Variants in SURF4 observed in about 807,000 individuals in gnomAD.
SURF4 encodes the protein surfeit locus protein 4.
Under a neutral mutation model 30.0 loss-of-function variants are expected in SURF4, and 3 were observed. That is an observed-to-expected ratio of 0.10 (90% confidence interval 0.05 to 0.26). The LOEUF (loss-of-function observed/expected upper bound fraction) is 0.26, where lower values mean the gene tolerates loss of function less well. SURF4 is among the 10% of genes least tolerant of loss of function. The pLI, the probability that SURF4 is intolerant of heterozygous loss-of-function variation, is 1.00. For missense variants in SURF4, 217 were observed against 350.8 expected, an observed-to-expected ratio of 0.62 and a Z score of 3.05; for synonymous variants, 143 against 139.9, an observed-to-expected ratio of 1.02 and a Z score of -0.16.
intron 1 of SURF4, among the ~76,000 whole-genome samples, chr9:133,367,977 G>T (rs918109493): frequency 2.0e-5 from 3 of 152,208 alleles, no homozygotes; most frequent in Admixed American, 2.0e-4. Flanking sequence ...TATGACGCAC[G>T]ACATGTCTGC....
upstream of SURF4, among the ~76,000 whole-genome samples, chr9:133,377,438 G>T (rs1838009244): frequency 6.6e-6 from 1 of 152,214 alleles, no homozygotes; most frequent in South Asian, 2.1e-4. Flanking sequence ...GGCCAAGGCG[G>T]GCGGATCACC....
intron 1 of SURF4, 27 bp downstream of exon 1, chr9:133,375,895 G>GGGA: frequency 8.2e-7 from 1 of 1,222,190 alleles, no homozygotes; most frequent in African/African-American, 1.6e-5. Context: ...CGGGACCGGG[G>GGGA]CCGGGGGAGG....
chr9:133,372,238 G>A (rs954769779), intron 1 of SURF4, among the ~76,000 whole-genome samples: 19 of 152,226 alleles, frequency 1.2e-4, no homozygotes, highest in Admixed American at 1.2e-3. Context: ...CTTGATGCCA[G>A]AGGCAGAGAG....
rs182209688 is a variant in SURF4 at position 133,364,565 on chromosome 9, G to A, written c.543+275C>T. ...AAATTAGCCAGGCGTGTTGGCAGGC[G>A]CCTGTAGTCCCAGCTGCTCGGGAGG... On this transcript the variant is annotated intron_variant, in intron 5 of 5. Coordinates refer to ENST00000371989, the MANE Select transcript of SURF4 (RefSeq NM_033161.4). Among the ~76,000 whole-genome samples the A allele has an allele frequency of 4.6e-5, 7 of 152,152 alleles. No homozygotes were observed. In the East Asian group the frequency reaches 7.8e-4, roughly 17 times the overall value.
In SURF4 at chr9:133,363,482, A is replaced by G. The variant is rs1262401793; in HGVS notation, c.*11T>C. The G allele has an allele frequency of 1.9e-6, 3 of 1,614,086 alleles. No individual in the cohort carries two copies. The highest frequency in any genetic ancestry group is 2.5e-6 in the Non-Finnish European group (3 of 1,180,056). On this transcript the variant is annotated 3_prime_UTR_variant, in exon 6 of 6. Coordinates refer to ENST00000371989, the MANE Select transcript of SURF4 (RefSeq NM_033161.4). The surrounding 1 kb of genome is among the most constrained non-coding windows in gnomAD (Gnocchi z 4.3). ...ACGGGTCTTAGCCAGGCAGGTAGGG[A>G]TCTGTGACTGTTACCACTCCTTCTT...
chr9:133,363,268 A>G lies in SURF4; in HGVS notation c.*225T>C. ...GGCGTGGGGGAGGCTTCCAGCTGCC[A>G]GGCTGGCCTGCACTGAAGGGTCAGA... On this transcript the variant is annotated 3_prime_UTR_variant, in exon 6 of 6. Coordinates refer to ENST00000371989, the MANE Select transcript of SURF4 (RefSeq NM_033161.4). This position sits in a 1 kb window ranked among gnomAD's most constrained non-coding sequence, Gnocchi z 4.3. The G allele has an allele frequency of 1.3e-6, 1 of 769,330 alleles. No homozygotes were observed. The highest frequency in any genetic ancestry group is 2.2e-6 in the Non-Finnish European group (1 of 450,380). The allele number at this position is 769,330 out of a possible 1,614,324, so 47.7% of individuals were successfully genotyped here.
intron 1 of SURF4, chr9:133,375,157 T>C: frequency 2.2e-6 from 2 of 925,880 alleles, no homozygotes; most frequent in Non-Finnish European, 2.6e-6. Flanking sequence ...TAGGATCGGA[T>C]CCTGTCCACC....
intron 1 of SURF4, chr9:133,375,133 G>A: frequency 1.3e-6 from 1 of 751,210 alleles, no homozygotes. Context: ...AGGGAGTTGT[G>A]TCCCTTCACT....
chr9:133,375,325 G>A, intron 1 of SURF4: 1 of 984,628 alleles, frequency 1.0e-6, no homozygotes, highest in Non-Finnish European at 1.2e-6. Flanking sequence ...TCCAGCCCAG[G>A]GCAGAGTCCA....
chr9:133,363,248 G>A lies in SURF4; in HGVS notation c.*245C>T, dbSNP rs41306722. The A allele has an allele frequency of 1.0e-5, 7 of 694,904 alleles. No individual in the cohort carries two copies. The Admixed American group carries it at 1.6e-4, about 16-fold the overall frequency. The allele number at this position is 694,904 out of a possible 1,614,324, so 43.0% of individuals were successfully genotyped here. A position where few individuals can be genotyped will look rare whatever the true frequency, so the allele number is the denominator to read the frequency against. On this transcript the variant is annotated 3_prime_UTR_variant, in exon 6 of 6. Coordinates refer to ENST00000371989, the MANE Select transcript of SURF4 (RefSeq NM_033161.4). The surrounding 1 kb of genome is among the most constrained non-coding windows in gnomAD (Gnocchi z 4.3). The stretch of plus-strand genomic sequence containing the variant: ...GCTGTTCACTCCAAAGCCTCGGCGT[G>A]GGGGAGGCTTCCAGCTGCCAGGCTG...
upstream of SURF4, chr9:133,376,402 C>A (rs1408763640): frequency 7.5e-6 from 11 of 1,459,772 alleles, no homozygotes; most frequent in South Asian, 1.5e-4. Flanking sequence ...GGGGAGGATC[C>A]CGCGGGTCCC....
In SURF4 at chr9:133,363,095, T is replaced by G; in HGVS notation, c.*398A>C. The stretch of plus-strand genomic sequence containing the variant: ...GTAGTTTCCGCTAAAAATGTAAACT[T>G]ACAAATAAGAGGGAGACTGCTTTGA... On this transcript the variant is annotated 3_prime_UTR_variant, in exon 6 of 6. Transcript: ENST00000371989. The surrounding 1 kb of genome is among the most constrained non-coding windows in gnomAD (Gnocchi z 4.3). 2.8e-6 allele frequency: 1 copy of G among 359,176 alleles called. No individual in the cohort carries two copies. The highest frequency in any genetic ancestry group is 5.1e-6 in the Non-Finnish European group (1 of 194,852). The allele number at this position is 359,176 out of a possible 1,614,324, so 22.2% of individuals were successfully genotyped here.
chr9:133,371,230 C>A, intron 1 of SURF4: 1 of 674,136 alleles, frequency 1.5e-6, no homozygotes, highest in Non-Finnish European at 1.8e-6. Flanking sequence ...TTTCCTTGAT[C>A]ACCAAGGACT....
upstream of SURF4, chr9:133,376,195 C>T (rs1427818329): frequency 2.4e-6 from 3 of 1,271,070 alleles, no homozygotes; most frequent in South Asian, 2.8e-5. Flanking sequence ...CCCCAGCCTC[C>T]CGACCCATCC....
At chr9:133,375,619 G>A (rs1392811883) in intron 1 of SURF4, among the ~76,000 whole-genome samples, 1 of 151,986 alleles carries the variant, frequency 6.6e-6, no homozygotes, top group Non-Finnish European at 1.5e-5. Flanking sequence ...TCGCGCCGCC[G>A]GCCCGGGAAG....
At position 133,366,033 on chromosome 9, in the gene SURF4, G is replaced by T. The variant is rs1564362902; in HGVS notation, c.313-5C>A. 2 of 1,613,976 alleles carry T rather than the reference G, an allele frequency of 1.2e-6. No individual in the cohort carries two copies. The highest frequency in any genetic ancestry group is 1.7e-6 in the Non-Finnish European group (2 of 1,179,952). ...TAAAATGCTGTAGGCAATCGTCTGAGGGGAAAGAAGAGAGAGATACTTGAG... is the reference window on the plus strand; with the variant it reads ...TAAAATGCTGTAGGCAATCGTCTGATGGGAAAGAAGAGAGAGATACTTGAG... On this transcript the variant is annotated splice_region_variant and splice_polypyrimidine_tract_variant and intron_variant, in intron 3 of 5. Transcript: ENST00000371989.
At chr9:133,370,055 C>T (rs1033773700) in intron 1 of SURF4, among the ~76,000 whole-genome samples, 1 of 152,256 alleles carries the variant, frequency 6.6e-6, no homozygotes, top group Non-Finnish European at 1.5e-5. Flanking sequence ...GAGCCACTCA[C>T]TGGCCTGAGA....
intron 1 of SURF4, among the ~76,000 whole-genome samples, chr9:133,373,771 T>A (rs964962890): frequency 1.3e-5 from 2 of 148,558 alleles, no homozygotes; most frequent in African/African-American, 5.0e-5. Flanking sequence ...TACAAAAAAA[T>A]TAGCTGGGCG....
At chr9:133,368,339 A>C (rs2130157273) in intron 1 of SURF4, among the ~76,000 whole-genome samples, 5 of 152,234 alleles carry the variant, frequency 3.3e-5, no homozygotes, top group African/African-American at 4.8e-5. Context: ...AAATCTCCAG[A>C]GCAGCAGGAG....
Sources: allele counts gnomAD v4.1 joint callset (sites outside exome capture counted in the v4.1 genomes callset), GRCh38; gene constraint gnomAD v4.1.1; non-coding constraint Gnocchi (gnomAD v3.1); transcripts MANE v1.5; gene names NCBI Gene and HGNC (gene_info 2026-07-23, HGNC 2026-07-21).